The following FRMD8 variants were observed in gnomAD, a reference collection of about 807,000 sequenced individuals.
FRMD8 encodes the protein FERM domain containing 8, also known as FERM domain-containing protein 8.
In FRMD8, 37 loss-of-function variants were observed where a neutral mutation model predicts 54.2. The ratio of observed to expected loss-of-function variants is 0.68; its 90% CI spans 0.53 to 0.90. The LOEUF (loss-of-function observed/expected upper bound fraction) is 0.90. FRMD8 is among the 40% of genes least tolerant of loss of function. FRMD8 has a pLI of 0.00. For missense variants in FRMD8, 585 were observed against 653.7 expected, an observed-to-expected ratio of 0.89 and a Z score of 1.15; for synonymous variants, 246 against 286.9, an observed-to-expected ratio of 0.86 and a Z score of 1.44.
At chr11:65,395,902 G>A (rs963143707) in intron 6 of FRMD8, among the ~76,000 whole-genome samples, 22 of 151,936 alleles carry the variant, frequency 1.4e-4, no homozygotes, top group Non-Finnish European at 2.4e-4. Context: ...CTCTTTGTTC[G>A]GCCTCCAGAC....
In FRMD8 at chr11:65,400,523, G is replaced by C. The variant is rs1448723768; in HGVS notation, c.928-201G>C. ...GCCTGCTGGTGGGACTGTTGTGGGA[G>C]AGGGGATCTCAGCTTCCCTGGACCA... On this transcript the variant is annotated intron_variant, in intron 8 of 10. Coordinates refer to ENST00000317568, the MANE Select transcript of FRMD8 (RefSeq NM_031904.5). This position sits in a 1 kb window ranked among gnomAD's most constrained non-coding sequence, Gnocchi z 4.3. Among the ~76,000 whole-genome samples the C allele has an allele frequency of 6.6e-6, 1 of 152,200 alleles. No homozygotes were observed. The highest frequency in any genetic ancestry group is 1.5e-5 in the Non-Finnish European group (1 of 68,026).
intron 3 of FRMD8, among the ~76,000 whole-genome samples, chr11:65,391,103 G>A (rs537848484): frequency 1.3e-5 from 2 of 152,284 alleles, no homozygotes; most frequent in Non-Finnish European, 2.9e-5. Flanking sequence ...GGCAGGGAGG[G>A]GCGCTGTCTT....
upstream of FRMD8, among the ~76,000 whole-genome samples, chr11:65,384,607 G>A (rs934385039): frequency 2.0e-5 from 3 of 152,148 alleles, no homozygotes; most frequent in Admixed American, 6.5e-5. Context: ...GGAAACAGGG[G>A]AAAGGGCCTG....
chr11:65,378,418 C>T, the FRMD8 span: 5 of 152,264 alleles, frequency 3.3e-5, no homozygotes, highest in African/African-American at 1.2e-4. Context: ...GTCCCCACTT[C>T]TGCTTTCCAA....
At chr11:65,377,335 G>T in the FRMD8 span, 1 of 1,349,088 alleles carries the variant, frequency 7.4e-7, no homozygotes, top group Non-Finnish European at 9.5e-7. Context: ...CAACTTGCCT[G>T]GCCTACAGCA....
At chr11:65,382,035 A>C (rs567766978), upstream of FRMD8, 35 of 1,156,814 alleles carry the variant, frequency 3.0e-5, no homozygotes, top group Admixed American at 4.6e-4. The surrounding 1 kb of genome is among the most constrained non-coding windows in gnomAD (Gnocchi z 4.4). Flanking sequence ...CCACGCTGAT[A>C]ACCTCCCACT....
At chr11:65,371,901 A>G in the FRMD8 span, among the ~76,000 whole-genome samples, 1 of 151,962 alleles carries the variant, frequency 6.6e-6, no homozygotes, top group Non-Finnish European at 1.5e-5. Flanking sequence ...GGCATGAGCC[A>G]CGAAGCCCGG....
Position 65,387,021 on chromosome 11 carries a change from C to T in FRMD8, c.1-16C>T, listed in dbSNP as rs970705043. On this transcript the variant is annotated splice_polypyrimidine_tract_variant and intron_variant, in intron 1 of 10. Coordinates refer to ENST00000317568, the MANE Select transcript of FRMD8 (RefSeq NM_031904.5). ...CCCTGGCTCCCGGTAACTGCTGTTT[C>T]TCTTTGCCTTTGCAGATGGACGGGA... 1.2e-6 allele frequency: 2 copies of T among 1,606,414 alleles called. No homozygotes were observed. The highest frequency in any genetic ancestry group is 1.7e-6 in the Non-Finnish European group (2 of 1,178,084).
intron 2 of FRMD8, 27 bp from the exon 3 acceptor site, chr11:65,389,334 G>GCTGAGC: frequency 6.2e-7 from 1 of 1,606,132 alleles, no homozygotes; most frequent in African/African-American, 1.3e-5. Context: ...AGAGGCCTCA[G>GCTGAGC]CTGAGCCTGC....
At chr11:65,370,302 G>A in the FRMD8 span, among the ~76,000 whole-genome samples, 6 of 151,534 alleles carry the variant, frequency 4.0e-5, no homozygotes, top group Non-Finnish European at 5.9e-5. Flanking sequence ...GAAGGTGCAC[G>A]CCTGCAAGCC....
upstream of FRMD8, chr11:65,382,187 G>A (rs1276639533): frequency 5.2e-6 from 3 of 571,918 alleles, no homozygotes; most frequent in Non-Finnish European, 9.4e-6. This position sits in a 1 kb window ranked among gnomAD's most constrained non-coding sequence, Gnocchi z 4.4. Context: ...CAGGCGTGCC[G>A]GGACCACAGA....
At chr11:65,373,008 T>A in the FRMD8 span, among the ~76,000 whole-genome samples, 1 of 151,994 alleles carries the variant, frequency 6.6e-6, no homozygotes, top group Admixed American at 6.6e-5. Context: ...TCTCAGCACT[T>A]TGGGAGGCTG....
chr11:65,370,859 A>G, the FRMD8 span, among the ~76,000 whole-genome samples: 1 of 152,128 alleles, frequency 6.6e-6, no homozygotes, highest in African/African-American at 2.4e-5. Flanking sequence ...GAGCCCAGGA[A>G]TTCGAGACCA....
rs1004376659 is a variant in FRMD8, at chr11:65,404,774, C to T, written c.1072-90C>T. ...GTGATGTGTGTCCCCTCCCCTGCTT[C>T]CCCAACCAGAGAGCAGAGCTCATTT... On this transcript the variant is annotated intron_variant, in intron 9 of 10. Transcript: ENST00000317568. This position sits in a 1 kb window ranked among gnomAD's most constrained non-coding sequence, Gnocchi z 4.7. The T allele has an allele frequency of 8.8e-7, 1 of 1,138,730 alleles. No homozygotes were observed. The highest frequency in any genetic ancestry group is 1.3e-6 in the Non-Finnish European group (1 of 782,536). The allele number at this position is 1,138,730 out of a possible 1,614,324, so 70.5% of individuals were successfully genotyped here. A position where few individuals can be genotyped will look rare whatever the true frequency, so the allele number is the denominator to read the frequency against.
the FRMD8 span, chr11:65,379,424 G>T: frequency 6.2e-7 from 1 of 1,613,086 alleles, no homozygotes. Flanking sequence ...GCATGTAGCT[G>T]GGCGGCTGGG....
chr11:65,393,980 G>A lies in FRMD8; in HGVS notation c.356-61G>A, dbSNP rs1371283410. On this transcript the variant is annotated intron_variant, in intron 4 of 10. Transcript: ENST00000317568. The stretch of plus-strand genomic sequence containing the variant: ...TTGGTGGCCAGGGCCTGGGCCAATC[G>A]GGAGAGGGGAGGGCTAAGCAGAGTG... The A allele has an allele frequency of 6.3e-6, 10 of 1,574,896 alleles. No individual in the cohort carries two copies. The African/African-American group carries it at 8.1e-5, about 13-fold the overall frequency.
chr11:65,368,367 G>A, the FRMD8 span, among the ~76,000 whole-genome samples: 5 of 151,246 alleles, frequency 3.3e-5, no homozygotes, highest in Non-Finnish European at 5.9e-5. Flanking sequence ...GAGCCACTGC[G>A]CTTGGCCATT....
the FRMD8 span, chr11:65,376,643 C>T: frequency 1.9e-6 from 3 of 1,613,970 alleles, no homozygotes; most frequent in East Asian, 2.2e-5. Flanking sequence ...GCAATGCCTG[C>T]AAAGCCCCCT....
chr11:65,394,425 G>A lies in FRMD8; in HGVS notation c.581G>A (p.Arg194Lys), dbSNP rs775157644. 4 of 1,565,766 alleles carry A rather than the reference G, an allele frequency of 2.6e-6. No homozygotes were observed. The Admixed American group carries it at 5.7e-5, about 22-fold the overall frequency. The change falls in exon 6 of 11, where the codon AGG becomes AAG. Residue 194 changes from arginine (R) to lysine (K), a missense_variant and splice_region_variant. By Grantham distance (26) the Arg-to-Lys change is conservative (BLOSUM62 2). Coordinates refer to ENST00000317568, the MANE Select transcript of FRMD8 (RefSeq NM_031904.5). ...GGCCGGCCGGCAGCCTGCGACCTGA[G>A]GTGAGGGCCTGTGTGACTTGAGGCG... ...QPGRPAACDL[R>K]EKLDSFLPAH...
Sources: allele counts gnomAD v4.1 joint callset (sites outside exome capture counted in the v4.1 genomes callset), GRCh38; gene constraint gnomAD v4.1.1; non-coding constraint Gnocchi (gnomAD v3.1); transcripts MANE v1.5; gene names NCBI Gene and HGNC (gene_info 2026-07-23, HGNC 2026-07-21).